ST7: variants seen among roughly 807,000 people sequenced by gnomAD.
The protein encoded by ST7 is suppressor of tumorigenicity 7 protein.
A neutral mutation model predicts 78.7 loss-of-function variants in ST7; 28 were observed. The ratio of observed to expected loss-of-function variants is 0.36; its 90% CI spans 0.26 to 0.49. ST7 has a LOEUF of 0.49. Among genes scored for constraint, ST7 ranks in the 20% least tolerant of loss-of-function variants. The probability of loss-of-function intolerance (pLI) is 0.99; values close to 1 mark genes in which losing one functional copy is unlikely to be tolerated. For missense variants in ST7, 418 were observed against 696.0 expected (o/e 0.60, Z 4.49); for synonymous variants, 247 against 249.6 (o/e 0.99, Z 0.10).
At chr7:117,161,591 C>CTTTTTTTTTTTTTTTTTTTTT (rs60505994) in intron 9 of ST7, among the ~76,000 whole-genome samples, 16 of 113,592 alleles carry the variant, frequency 1.4e-4, no homozygotes, top group Non-Finnish European at 1.9e-4. Flanking sequence ...TTCTTTCTTT[C>CTTTTTTTTTTTTTTTTTTTTT]TTTTTTTTTT....
chr7:117,006,687 A>G (rs1157955306), intron 1 of ST7, among the ~76,000 whole-genome samples: 1 of 152,236 alleles, frequency 6.6e-6, no homozygotes, highest in Non-Finnish European at 1.5e-5. Flanking sequence ...TGCCTTGCAG[A>G]TACTGCACTT....
chr7:117,211,690 A>C (rs1232924048), intron 13 of ST7, among the ~76,000 whole-genome samples: 2 of 152,078 alleles, frequency 1.3e-5, no homozygotes, highest in Non-Finnish European at 2.9e-5. Context: ...AAATGGCATC[A>C]CCATAGAAAA....
chr7:117,200,925 T>C (rs897953001), intron 12 of ST7, among the ~76,000 whole-genome samples: 3 of 151,934 alleles, frequency 2.0e-5, no homozygotes, highest in African/African-American at 7.3e-5. Context: ...ATCGTGGTAA[T>C]TGTATATGCT....
Position 117,152,138 on chromosome 7 carries a change from T to TTA in ST7, c.963+13617_963+13618dup, listed in dbSNP as rs1440768065. Reference sequence around the variant, plus strand: ...CATCTCAAAAAAAAATAATAATAATTTATATATATATAAAATATATGTATT... The same window carrying TTA: ...CATCTCAAAAAAAAATAATAATAATTTATATATATATATAAAATATATGTATT... On this transcript the variant is annotated intron_variant, in intron 9 of 15. Transcript: ENST00000323984. 1.4e-4 allele frequency among the ~76,000 whole-genome samples: 16 copies of TTA among 114,664 alleles called. No homozygotes were observed. In the South Asian group the frequency reaches 1.4e-3, roughly 10 times the overall value. The allele number at this position is 114,664 out of a possible 152,430, so 75.2% of individuals were successfully genotyped here. A position where few individuals can be genotyped will look rare whatever the true frequency, so the allele number is the denominator to read the frequency against.
chr7:117,153,149 A>G (rs990488351), intron 9 of ST7, among the ~76,000 whole-genome samples: 1 of 152,214 alleles, frequency 6.6e-6, no homozygotes, highest in African/African-American at 2.4e-5. Context: ...AAGATAAGTC[A>G]TAGATAACGT....
At chr7:117,135,504 CTG>C (rs1297258773) in intron 7 of ST7, among the ~76,000 whole-genome samples, 1 of 152,020 alleles carries the variant, frequency 6.6e-6, no homozygotes, top group African/African-American at 2.4e-5. Flanking sequence ...TGTTGAAGCA[CTG>C]TGTTTTTTTT....
At chr7:117,056,903 A>G (rs1798092305) in intron 1 of ST7, among the ~76,000 whole-genome samples, 1 of 152,176 alleles carries the variant, frequency 6.6e-6, no homozygotes, top group East Asian at 1.9e-4. Context: ...AATTACACAT[A>G]TAAGAGATTA....
intron 2 of ST7, among the ~76,000 whole-genome samples, chr7:117,109,845 T>C (rs898813371): frequency 3.3e-5 from 5 of 152,308 alleles, no homozygotes; most frequent in South Asian, 2.1e-4. Context: ...TAATTCACCA[T>C]GAACAAGTGG....
rs1178616399 is a variant in ST7 at position 116,953,650 on chromosome 7, T to A, written c.110T>A (p.Ile37Asn). ...TTCATCGTGCTATTCCTGGTCTACA[T>A]CCTGCGGGTGCCTTTGAAAATCAAC... ...WFFIVLFLVY[I>N]LRVPLKINDN... The change falls in exon 1 of 16, where the codon ATC becomes AAC. Residue 37 changes from isoleucine to asparagine, a missense_variant. Around this residue, in one of 4 missense-constraint regions of ST7, gnomAD observed 71 missense variants for 61.5 expected, o/e 1.16. Transcript: ENST00000323984. The A allele has an allele frequency of 6.7e-7, 1 of 1,501,670 alleles. No individual in the cohort carries two copies. The highest frequency in any genetic ancestry group is 1.9e-5 in the Admixed American group (1 of 53,292). 93.0% of individuals were successfully genotyped at this position (1,501,670 alleles called of 1,614,324 possible). A position where few individuals can be genotyped will look rare whatever the true frequency, so the allele number is the denominator to read the frequency against.
At chr7:117,212,870 C>T (rs1792402623) in intron 13 of ST7, among the ~76,000 whole-genome samples, 1 of 151,998 alleles carries the variant, frequency 6.6e-6, no homozygotes, top group African/African-American at 2.4e-5. Context: ...AAGAATTACC[C>T]CTCCAAACCC....
intron 1 of ST7, among the ~76,000 whole-genome samples, chr7:117,018,632 C>T (rs1795730152): frequency 6.6e-6 from 1 of 152,158 alleles, no homozygotes; most frequent in South Asian, 2.1e-4. Context: ...ATCCAGACTC[C>T]TGAGTTTGAA....
chr7:117,112,298 C>G (rs1298901708), intron 2 of ST7: 4 of 152,130 alleles, frequency 2.6e-5, no homozygotes, highest in Admixed American at 1.3e-4. Flanking sequence ...TGAGTTATAA[C>G]AAAAGATCTA....
intron 1 of ST7, among the ~76,000 whole-genome samples, chr7:116,961,590 G>C (rs1255983862): frequency 1.3e-5 from 2 of 149,130 alleles, no homozygotes; most frequent in African/African-American, 5.0e-5. Flanking sequence ...GTGTGTGTGT[G>C]TGTGGTGGGG....
chr7:117,175,583 G>T (rs1808288264), intron 10 of ST7, among the ~76,000 whole-genome samples: 1 of 152,152 alleles, frequency 6.6e-6, no homozygotes, highest in Non-Finnish European at 1.5e-5. Context: ...TCCCAGCTCT[G>T]CCTTTCACCA....
At chr7:117,175,934 G>A (rs60877331) in intron 10 of ST7, among the ~76,000 whole-genome samples, 21,219 of 152,136 alleles carry the variant, frequency 0.14, 1,585 homozygotes, top group Non-Finnish European at 0.16. Flanking sequence ...ACAATGTTAC[G>A]ACTTGTTATT....
intron 1 of ST7, among the ~76,000 whole-genome samples, chr7:117,093,385 A>G (rs1001590893): frequency 2.0e-5 from 3 of 152,198 alleles, no homozygotes; most frequent in African/African-American, 7.2e-5. Flanking sequence ...TCTCCCCTGC[A>G]TTCTACAACT....
At chr7:117,163,931 T>G (rs1316066739) in intron 9 of ST7, among the ~76,000 whole-genome samples, 1 of 152,202 alleles carries the variant, frequency 6.6e-6, no homozygotes, top group East Asian at 1.9e-4. Flanking sequence ...GACCTTACAT[T>G]GAGGTTTTTG....
At chr7:117,017,320 G>A (rs962615734) in intron 1 of ST7, among the ~76,000 whole-genome samples, 3 of 152,194 alleles carry the variant, frequency 2.0e-5, no homozygotes, top group Admixed American at 6.5e-5. Context: ...TGCCTAGAGT[G>A]TAGAACAGTA....
At chr7:117,208,939 GTGTGTC>G (rs1467039653) in intron 12 of ST7, among the ~76,000 whole-genome samples, 123 of 145,364 alleles carry the variant, frequency 8.5e-4, no homozygotes, top group South Asian at 2.5e-3. Flanking sequence ...GTGTGTGTGT[GTGTGTC>G]AGGGATGGAT....
Sources: gnomAD v4.1 joint callset for allele counts (sites outside exome capture counted in the v4.1 genomes callset) on GRCh38, gnomAD v4.1.1 for gene constraint, gnomAD v4.1.1 regional missense constraint, MANE v1.5 for transcripts, NCBI Gene and HGNC (gene_info 2026-07-23, HGNC 2026-07-21) for gene names.